The following PLEKHD1 variants were observed in gnomAD, a reference collection of about 807,000 sequenced individuals.
The protein encoded by PLEKHD1 is pleckstrin homology and coiled-coil domain containing D1.
Under a neutral mutation model 69.2 loss-of-function variants are expected in PLEKHD1, and 51 were observed. The observed-to-expected ratio is 0.74, with a 90% confidence interval of 0.59 to 0.93. The LOEUF is 0.93. Ranked by LOEUF, PLEKHD1 falls within the 40% of genes least tolerant of loss-of-function variation. The pLI, the probability that PLEKHD1 is intolerant of heterozygous loss-of-function variation, is 0.00. For missense variants in PLEKHD1, 584 were observed against 641.0 expected (o/e 0.91, Z 0.96); for synonymous variants, 236 against 244.7 (o/e 0.96, Z 0.33).
intron 4 of PLEKHD1, 130 bp from the exon 5 acceptor site, chr14:69,501,604 T>G: frequency 4.2e-5 from 28 of 661,598 alleles, no homozygotes; most frequent in Non-Finnish European, 4.1e-5. Context: ...GAATGCAAGT[T>G]GAGATTCTGG....
At chr14:69,525,177 A>T (rs7350750) in intron 8 of PLEKHD1, among the ~76,000 whole-genome samples, 2 of 151,970 alleles carry the variant, frequency 1.3e-5, no homozygotes, top group East Asian at 3.9e-4. Flanking sequence ...TTTCCAAACT[A>T]TGAATTTCAG....
At chr14:69,523,596 T>A (rs756911789) in intron 7 of PLEKHD1, among the ~76,000 whole-genome samples, 19 of 152,064 alleles carry the variant, frequency 1.2e-4, no homozygotes, top group Admixed American at 5.9e-4. Context: ...CAGGAAACAT[T>A]AGTGTAATAA....
intron 6 of PLEKHD1, among the ~76,000 whole-genome samples, chr14:69,521,667 G>T (rs1293373567): frequency 6.6e-6 from 1 of 152,136 alleles, no homozygotes; most frequent in African/African-American, 2.4e-5. Context: ...GAAAACACTT[G>T]GGCTTCCTGG....
intron 1 of PLEKHD1, among the ~76,000 whole-genome samples, chr14:69,497,869 G>A (rs888665309): frequency 1.3e-5 from 2 of 152,086 alleles, no homozygotes; most frequent in African/African-American, 4.8e-5. Context: ...TTGTTATGTG[G>A]CCGGTCAGAG....
At chr14:69,482,143 C>T (rs993550212), upstream of PLEKHD1, among the ~76,000 whole-genome samples, 6 of 152,332 alleles carry the variant, frequency 3.9e-5, no homozygotes, top group Non-Finnish European at 7.3e-5. Context: ...ATTCATACGT[C>T]CTGTATGCAG....
At chr14:69,474,387 C>T in the PLEKHD1 span, among the ~76,000 whole-genome samples, 1 of 152,178 alleles carries the variant, frequency 6.6e-6, no homozygotes, top group Non-Finnish European at 1.5e-5. Context: ...CGGTTCGCGA[C>T]CATGGGCCAG....
Position 69,528,693 on chromosome 14 carries a change from C to CTGGTGAGGTGAGG in PLEKHD1, c.*274_*275insTGGTGAGGTGAGG. On this transcript the variant is annotated 3_prime_UTR_variant, in exon 13 of 13. Transcript: ENST00000322564. ...TTGTCATGGTGAGGTGAGGACAGGA[C>CTGGTGAGGTGAGG]CTGGTTGTATGTGGAGATTTGTGTC... 1 of 481,246 alleles carries CTGGTGAGGTGAGG rather than the reference C, an allele frequency of 2.1e-6. No individual in the cohort carries two copies. The highest frequency in any genetic ancestry group is 3.7e-6 in the Non-Finnish European group (1 of 267,352). The allele number at this position is 481,246 out of a possible 1,614,324, so 29.8% of individuals were successfully genotyped here. A position where few individuals can be genotyped will look rare whatever the true frequency, so the allele number is the denominator to read the frequency against.
chr14:69,509,805 G>A (rs929703373), intron 6 of PLEKHD1, among the ~76,000 whole-genome samples: 2 of 152,068 alleles, frequency 1.3e-5, no homozygotes, highest in African/African-American at 4.8e-5. Flanking sequence ...AGGCGTGGTG[G>A]CGGGCGCCTG....
the PLEKHD1 span, among the ~76,000 whole-genome samples, chr14:69,473,758 G>T: frequency 6.6e-6 from 1 of 152,192 alleles, no homozygotes; most frequent in Admixed American, 6.5e-5. Flanking sequence ...GTGGAGAAGG[G>T]GATCGAGGGG....
intron 6 of PLEKHD1, among the ~76,000 whole-genome samples, chr14:69,505,681 C>T (rs1189246832): frequency 6.6e-6 from 1 of 152,136 alleles, no homozygotes; most frequent in African/African-American, 2.4e-5. Flanking sequence ...TGCTGCGAGG[C>T]CCAATGAAGT....
intron 6 of PLEKHD1, chr14:69,503,321 A>G (rs1883071751): frequency 4.7e-6 from 1 of 213,916 alleles, no homozygotes; most frequent in Non-Finnish European, 9.5e-6. Flanking sequence ...CACTGGCTTG[A>G]GGCAGACTGG....
chr14:69,476,205 CCGAGAT>C, the PLEKHD1 span, among the ~76,000 whole-genome samples: 1 of 144,572 alleles, frequency 6.9e-6, no homozygotes, highest in East Asian at 2.0e-4. Context: ...TTGCAGTGAG[CCGAGAT>C]CGAGGCACTG....
chr14:69,527,405 C>A (rs1883681024), intron 11 of PLEKHD1, 73 bp downstream of exon 11: 1 of 1,535,524 alleles, frequency 6.5e-7, no homozygotes, highest in Non-Finnish European at 8.8e-7. Context: ...CCCTGTAGAG[C>A]CAGGAAACCC....
At chr14:69,516,845 AT>A (rs1482384866) in intron 6 of PLEKHD1, among the ~76,000 whole-genome samples, 2 of 152,082 alleles carry the variant, frequency 1.3e-5, no homozygotes, top group South Asian at 2.1e-4. Flanking sequence ...ATTTTTTTGT[AT>A]TTTTTGTAGA....
At chr14:69,513,032 A>G (rs917075254) in intron 6 of PLEKHD1, among the ~76,000 whole-genome samples, 1 of 151,880 alleles carries the variant, frequency 6.6e-6, no homozygotes, top group South Asian at 2.1e-4. Context: ...ACAATGAGCT[A>G]TGATTGTACC....
At chr14:69,522,524 C>T (rs1883540911) in intron 7 of PLEKHD1, 147 bp downstream of exon 7, 2 of 800,342 alleles carry the variant, frequency 2.5e-6, no homozygotes, top group South Asian at 3.6e-5. Context: ...TGAGTCTGTC[C>T]TCCAAGGCTC....
the PLEKHD1 span, among the ~76,000 whole-genome samples, chr14:69,473,228 T>C: frequency 6.6e-6 from 1 of 152,228 alleles, no homozygotes; most frequent in Non-Finnish European, 1.5e-5. Flanking sequence ...TTGTCTTGCA[T>C]GAAACTGGTT....
At position 69,528,901 on chromosome 14, in the gene PLEKHD1, G is replaced by C. The variant is rs1883727535; in HGVS notation, c.*482G>C. The C allele has an allele frequency of 6.3e-6, 1 of 158,932 alleles. No individual in the cohort carries two copies. Among genetic ancestry groups the C allele is most frequent in the African/African-American group, 2.4e-5 (1 of 41,548 alleles). The allele number at this position is 158,932 out of a possible 1,614,324, so 9.8% of individuals were successfully genotyped here. ...TACCTTGACATTCCCTTTTCCCCAG[G>C]GTTTCCTAACCCTCCCTTTGCTTCT... On this transcript the variant is annotated 3_prime_UTR_variant, in exon 13 of 13. Transcript: ENST00000322564.
intron 5 of PLEKHD1, 51 bp from the exon 6 acceptor site, chr14:69,502,776 A>G: frequency 6.5e-7 from 1 of 1,549,716 alleles, no homozygotes; most frequent in Admixed American, 2.0e-5. Flanking sequence ...AGGACCTCAG[A>G]GCACTTTCCT....
Sources: allele counts gnomAD v4.1 joint callset (sites outside exome capture counted in the v4.1 genomes callset), GRCh38; gene constraint gnomAD v4.1.1; transcripts MANE v1.5; gene names NCBI Gene and HGNC (gene_info 2026-07-23, HGNC 2026-07-21).